The following DPH6 variants were observed in gnomAD, a reference collection of about 807,000 sequenced individuals.
DPH6 encodes the protein diphthine--ammonia ligase.
DPH6 carries 33 observed loss-of-function variants against 38.2 expected under a neutral mutation model. The ratio of observed to expected loss-of-function variants is 0.86; its 90% CI spans 0.65 to 1.15. DPH6 has a LOEUF of 1.15. Among genes scored for constraint, DPH6 ranks in the 50% most tolerant of loss-of-function variants. The probability of loss-of-function intolerance (pLI) is 0.00; values close to 1 mark genes in which losing one functional copy is unlikely to be tolerated. For synonymous variants in DPH6, 108 were observed against 103.0 expected (o/e 1.05, Z -0.30); for missense variants, 325 against 320.0 (o/e 1.02, Z -0.12).
At chr15:35,333,375 G>A (rs1204209423) in intron 3 of DPH6, among the ~76,000 whole-genome samples, 4 of 151,942 alleles carry the variant, frequency 2.6e-5, no homozygotes, top group Non-Finnish European at 5.9e-5. Context: ...AAAGAAAAGG[G>A]AAAAATATCA....
intron 3 of DPH6, among the ~76,000 whole-genome samples, chr15:35,513,250 T>G (rs1339641192): frequency 1.3e-5 from 2 of 152,110 alleles, no homozygotes; most frequent in African/African-American, 4.8e-5. Context: ...CGTGTATTTT[T>G]TAAATTTAAA....
chr15:35,306,244 T>C (rs1386675372), intron 3 of DPH6, among the ~76,000 whole-genome samples: 2 of 152,244 alleles, frequency 1.3e-5, no homozygotes, highest in East Asian at 3.8e-4. Context: ...TTAAAGTTTA[T>C]AATACAGTGT....
At chr15:35,202,741 A>G in the DPH6 span, among the ~76,000 whole-genome samples, 4 of 151,948 alleles carry the variant, frequency 2.6e-5, no homozygotes, top group Middle Eastern at 3.4e-3. Context: ...TCAATCAAAT[A>G]TAATTTTTAA....
intron 3 of DPH6, among the ~76,000 whole-genome samples, chr15:35,477,145 A>ATTC (rs1451479335): frequency 6.6e-6 from 1 of 151,878 alleles, no homozygotes; most frequent in East Asian, 1.9e-4. Flanking sequence ...CATATCATTA[A>ATTC]TGAAAGTGGA....
At chr15:35,418,326 G>A (rs190069131) in intron 5 of DPH6, among the ~76,000 whole-genome samples, 1 of 152,206 alleles carries the variant, frequency 6.6e-6, no homozygotes, top group Admixed American at 6.6e-5. Context: ...GATCCATGAT[G>A]ATGTTAAAGT....
intron 5 of DPH6, among the ~76,000 whole-genome samples, chr15:35,420,496 A>G (rs937174516): frequency 6.6e-6 from 1 of 152,150 alleles, no homozygotes; most frequent in African/African-American, 2.4e-5. Context: ...AAATCAATAA[A>G]ACAGAGTTTT....
intron 5 of DPH6, among the ~76,000 whole-genome samples, chr15:35,427,621 A>G (rs975661780): frequency 6.6e-6 from 1 of 151,890 alleles, no homozygotes; most frequent in Non-Finnish European, 1.5e-5. Context: ...CTGAGTCTAT[A>G]AAGAGAACAC....
chr15:35,473,913 A>AGT (rs58549209), intron 3 of DPH6, among the ~76,000 whole-genome samples: 7,850 of 126,714 alleles, frequency 0.062, 219 homozygotes, highest in Non-Finnish European at 0.083. Flanking sequence ...CACTGTGCAC[A>AGT]GTGTGTGTGT....
Position 35,274,920 on chromosome 15 carries a change from CTT to C in DPH6, n.201-54340_201-54339del, listed in dbSNP as rs111503678. Among the ~76,000 whole-genome samples the C allele has an allele frequency of 5.0e-3, 731 of 145,692 alleles. 9 individuals carry two copies. Among genetic ancestry groups the C allele is most frequent in the African/African-American group, 0.017 (680 of 39,958 alleles). ...TATACCCAAAGAACTATAAATCATT[CTT>C]TTTTTTTTTTGAGACGGAGTCTGGC... On this transcript the variant is annotated intron_variant and non_coding_transcript_variant, in intron 3 of 3. Coordinates refer to the DPH6 transcript ENST00000560386.
chr15:35,224,023 T>G (rs1319223114), intron 3 of DPH6, among the ~76,000 whole-genome samples: 1 of 151,930 alleles, frequency 6.6e-6, no homozygotes, highest in Non-Finnish European at 1.5e-5. Context: ...ATATAGCATG[T>G]AGCCTTTTCA....
At chr15:35,392,683 A>C (rs532357297) in intron 6 of DPH6, among the ~76,000 whole-genome samples, 70 of 152,338 alleles carry the variant, frequency 4.6e-4, no homozygotes, top group Non-Finnish European at 9.4e-4. Context: ...AGCAATTACA[A>C]TATAGGGTAG....
intron 3 of DPH6, among the ~76,000 whole-genome samples, chr15:35,457,492 T>G (rs1249027387): frequency 6.6e-6 from 1 of 151,864 alleles, no homozygotes; most frequent in Non-Finnish European, 1.5e-5. Context: ...GAGACAAGAT[T>G]TTGCCATGTT....
chr15:35,329,708 T>C (rs924602403), downstream of DPH6, among the ~76,000 whole-genome samples: 1 of 152,164 alleles, frequency 6.6e-6, no homozygotes, highest in Non-Finnish European at 1.5e-5. Context: ...TTTCTTCAGA[T>C]GACAGCATCG....
the DPH6 span, among the ~76,000 whole-genome samples, chr15:35,211,841 G>A: frequency 6.6e-6 from 1 of 151,994 alleles, no homozygotes; most frequent in Non-Finnish European, 1.5e-5. Context: ...TTTTGGAGTA[G>A]CCCAGCATCC....
chr15:35,190,631 T>C, the DPH6 span, among the ~76,000 whole-genome samples: 9 of 152,240 alleles, frequency 5.9e-5, no homozygotes, highest in Non-Finnish European at 1.5e-5. Flanking sequence ...TCTGGCTGCA[T>C]GACTCCTTAA....
rs200566883 is a variant in DPH6 at position 35,268,172 on chromosome 15, AAAATAAATAAATAAATAAATAAAT to A, written n.201-47614_201-47591del. Among the ~76,000 whole-genome samples the A allele has an allele frequency of 2.3e-3, 317 of 140,526 alleles. 1 individual carries two copies. Among genetic ancestry groups the A allele is most frequent in the African/African-American group, 7.6e-3 (292 of 38,414 alleles). 92.2% of individuals were successfully genotyped at this position (140,526 alleles called of 152,430 possible). On this transcript the variant is annotated intron_variant and non_coding_transcript_variant, in intron 3 of 3. Coordinates refer to the DPH6 transcript ENST00000560386. ...GCGACAGAGCGAGACTCTGTCTCAA[AAAATAAATAAATAAATAAATAAAT>A]AAATAAATAAATAAATAAATAAAAG...
chr15:35,528,929 T>C (rs1238213688), intron 3 of DPH6, among the ~76,000 whole-genome samples: 1 of 152,204 alleles, frequency 6.6e-6, no homozygotes, highest in Non-Finnish European at 1.5e-5. Context: ...ACACTCTCTT[T>C]TTTGGTATTA....
At chr15:35,520,715 C>T in intron 3 of DPH6, 1 of 984,750 alleles carries the variant, frequency 1.0e-6, no homozygotes, top group Non-Finnish European at 1.2e-6. Flanking sequence ...TGGACATTAG[C>T]TGTGAGAATT....
chr15:35,434,426 A>G (rs888165071), intron 5 of DPH6, among the ~76,000 whole-genome samples: 5 of 152,242 alleles, frequency 3.3e-5, no homozygotes, highest in Non-Finnish European at 7.3e-5. Flanking sequence ...AATAAAGGGA[A>G]AAGCAGTAAA....
Sources: allele counts gnomAD v4.1 joint callset (sites outside exome capture counted in the v4.1 genomes callset), GRCh38; gene constraint gnomAD v4.1.1; transcripts MANE v1.5; gene names NCBI Gene and HGNC (gene_info 2026-07-23, HGNC 2026-07-21).